The following FHOD3 variants were observed in gnomAD, a reference collection of about 807,000 sequenced individuals.
FHOD3 encodes the protein FH1/FH2 domain-containing protein 3.
In FHOD3, 90 loss-of-function variants were observed where a neutral mutation model predicts 173.0. That is an observed-to-expected ratio of 0.52 (90% CI 0.44 to 0.62). The LOEUF (loss-of-function observed/expected upper bound fraction) is 0.62. Among genes scored for constraint, FHOD3 ranks in the 20% least tolerant of loss-of-function variants. FHOD3 has a pLI of 0.00. For missense variants in FHOD3, 1,945 were observed against 2,034.7 expected (o/e 0.96, Z 0.85); for synonymous variants, 828 against 823.0 (o/e 1.01, Z -0.10).
chr18:36,359,313 CT>C (rs1216999984), intron 2 of FHOD3, among the ~76,000 whole-genome samples: 1 of 152,154 alleles, frequency 6.6e-6, no homozygotes, highest in Non-Finnish European at 1.5e-5. Flanking sequence ...AAATTAACTT[CT>C]TGTTTAGAAT....
chr18:36,368,109 C>G (rs1449708546), intron 2 of FHOD3, among the ~76,000 whole-genome samples: 1 of 151,934 alleles, frequency 6.6e-6, no homozygotes, highest in African/African-American at 2.4e-5. Context: ...TATTCTCTCT[C>G]TCTCTCTCTC....
At chr18:36,371,679 T>C (rs1465842159) in intron 2 of FHOD3, among the ~76,000 whole-genome samples, 1 of 152,266 alleles carries the variant, frequency 6.6e-6, no homozygotes, top group Non-Finnish European at 1.5e-5. Flanking sequence ...TAGTCATTAC[T>C]GTGAATTCAT....
intron 11 of FHOD3, among the ~76,000 whole-genome samples, chr18:36,651,254 C>T (rs930396313): frequency 3.9e-5 from 6 of 152,082 alleles, no homozygotes; most frequent in South Asian, 4.2e-4. Context: ...GAATTTGAGG[C>T]GGGAAAGAAG....
chr18:36,330,087 A>C (rs2044906008), intron 1 of FHOD3, among the ~76,000 whole-genome samples: 1 of 152,128 alleles, frequency 6.6e-6, no homozygotes. Context: ...CCCCCTGTAC[A>C]CCCAGGAGGG....
chr18:36,380,568 T>TTTCCTTTCCTTTCCTTTCC lies in FHOD3; in HGVS notation c.337+7826_337+7827insCCTTTCCTTTCCTTTCCTT, dbSNP rs1555686552. 2.1e-3 allele frequency among the ~76,000 whole-genome samples: 174 copies of TTTCCTTTCCTTTCCTTTCC among 82,916 alleles called. 5 individuals are homozygous for TTTCCTTTCCTTTCCTTTCC. Among genetic ancestry groups the TTTCCTTTCCTTTCCTTTCC allele is most frequent in the East Asian group, 0.016 (17 of 1,052 alleles). The allele number at this position is 82,916 out of a possible 152,430, so 54.4% of individuals were successfully genotyped here. ...CTTTCTTTTGTTTTCTTTTCTTTTC[T>TTTCCTTTCCTTTCCTTTCC]TTTCTTTTCTTTTCCTTTCCTTTCC... On this transcript the variant is annotated intron_variant, in intron 3 of 28. Transcript: ENST00000590592.
At chr18:36,609,173 C>T (rs1009449390) in intron 8 of FHOD3, among the ~76,000 whole-genome samples, 2 of 152,208 alleles carry the variant, frequency 1.3e-5, no homozygotes, top group East Asian at 1.9e-4. Flanking sequence ...CAGCTATGCT[C>T]GGCACCTTTA....
intron 3 of FHOD3, among the ~76,000 whole-genome samples, chr18:36,397,145 G>T (rs746235823): frequency 6.6e-6 from 1 of 152,174 alleles, no homozygotes; most frequent in Admixed American, 6.5e-5. Flanking sequence ...TGGGACCATT[G>T]ACTTACCTAG....
At chr18:36,488,151 TAAAGG>T (rs2054283495) in intron 3 of FHOD3, among the ~76,000 whole-genome samples, 1 of 152,232 alleles carries the variant, frequency 6.6e-6, no homozygotes, top group African/African-American at 2.4e-5. Flanking sequence ...GAAGAATACT[TAAAGG>T]AAGAACCCTG....
chr18:36,311,525 C>G (rs916822816), intron 1 of FHOD3, among the ~76,000 whole-genome samples: 2 of 152,188 alleles, frequency 1.3e-5, no homozygotes, highest in Admixed American at 1.3e-4. Context: ...TGGACAAACA[C>G]AAGGTCCTCA....
chr18:36,665,818 C>T (rs949219094), intron 14 of FHOD3, among the ~76,000 whole-genome samples: 13 of 152,312 alleles, frequency 8.5e-5, no homozygotes, highest in East Asian at 7.7e-4. Flanking sequence ...AGCCACGTAA[C>T]ACAGGAGATG....
At chr18:36,573,743 G>A (rs192202329) in intron 5 of FHOD3, among the ~76,000 whole-genome samples, 1 of 152,116 alleles carries the variant, frequency 6.6e-6, no homozygotes, top group Non-Finnish European at 1.5e-5. Context: ...ACATAGCTTT[G>A]GTAAATGACT....
intron 3 of FHOD3, among the ~76,000 whole-genome samples, chr18:36,453,856 T>C (rs2052010198): frequency 6.6e-6 from 1 of 152,042 alleles, no homozygotes; most frequent in Admixed American, 6.6e-5. Flanking sequence ...AGAGAAGAGA[T>C]GGGATTGGAA....
chr18:36,725,075 A>G (rs1163076596), intron 19 of FHOD3, among the ~76,000 whole-genome samples: 2 of 152,114 alleles, frequency 1.3e-5, no homozygotes, highest in Admixed American at 6.5e-5. Context: ...TGACCACCCA[A>G]AGATAGTTGT....
intron 5 of FHOD3, among the ~76,000 whole-genome samples, chr18:36,560,826 GTT>G (rs34653505): frequency 0.023 from 3,159 of 134,544 alleles, 58 homozygotes; most frequent in African/African-American, 0.055. Context: ...AAGAGCAGCT[GTT>G]TTTTTTTTTT....
intron 3 of FHOD3, among the ~76,000 whole-genome samples, chr18:36,477,672 A>G (rs1879810505): frequency 6.6e-6 from 1 of 152,168 alleles, no homozygotes; most frequent in Non-Finnish European, 1.5e-5. Flanking sequence ...AATAAAAGGA[A>G]TGTACTAGGA....
rs76511924 is a variant in FHOD3 at position 36,386,946 on chromosome 18, C to T, written c.337+14202C>T. Among the ~76,000 whole-genome samples, 398 of 152,170 alleles carry T rather than the reference C, an allele frequency of 2.6e-3. 2 individuals are homozygous for T. The highest frequency in any genetic ancestry group is 9.2e-3 in the African/African-American group (383 of 41,518). ...GTGGGTAGAACTTCTGATGTCACCT[C>T]CAAATGATGTTGTGTACCTAGAATC... On this transcript the variant is annotated intron_variant, in intron 3 of 28. Coordinates refer to ENST00000590592, the MANE Select transcript of FHOD3 (RefSeq NM_001281740.3).
chr18:36,311,407 A>G (rs1486163908), intron 1 of FHOD3, among the ~76,000 whole-genome samples: 2 of 152,144 alleles, frequency 1.3e-5, no homozygotes, highest in African/African-American at 4.8e-5. Context: ...ACACAAATAA[A>G]TGACACCAAG....
intron 8 of FHOD3, among the ~76,000 whole-genome samples, chr18:36,606,783 A>G (rs1483032034): frequency 2.0e-5 from 3 of 152,242 alleles, no homozygotes; most frequent in African/African-American, 7.2e-5. Context: ...GAACTGGCAT[A>G]GATGTTCACA....
intron 24 of FHOD3, among the ~76,000 whole-genome samples, chr18:36,753,733 C>T (rs1451243428): frequency 6.6e-6 from 1 of 152,210 alleles, no homozygotes. Flanking sequence ...TAGCCTGTCT[C>T]TTTTATTACA....
Sources: allele counts gnomAD v4.1 joint callset (sites outside exome capture counted in the v4.1 genomes callset), GRCh38; gene constraint gnomAD v4.1.1; transcripts MANE v1.5; gene names NCBI Gene and HGNC (gene_info 2026-07-23, HGNC 2026-07-21).